Variants in RPRD1A observed in about 807,000 individuals in gnomAD.
RPRD1A encodes regulation of nuclear pre-mRNA domain containing 1A.
A neutral mutation model predicts 37.8 loss-of-function variants in RPRD1A; 9 were observed. That is an observed-to-expected ratio of 0.24 (90% CI 0.14 to 0.42). RPRD1A has a LOEUF of 0.42. Among genes scored for constraint, RPRD1A ranks in the 10% least tolerant of loss-of-function variants. The probability of loss-of-function intolerance (pLI) is 1.00; values close to 1 mark genes in which losing one functional copy is unlikely to be tolerated. For missense variants in RPRD1A, 255 were observed against 371.0 expected (o/e 0.69, Z 2.57); for synonymous variants, 138 against 139.7 (o/e 0.99, Z 0.08).
chr18:35,992,846 C>G lies in RPRD1A; in HGVS notation c.*305G>C, dbSNP rs544273796. The G allele has an allele frequency of 9.3e-6, 2 of 214,104 alleles. No individual in the cohort carries two copies. Among genetic ancestry groups the G allele is most frequent in the East Asian group, 2.3e-4 (2 of 8,828 alleles). 13.3% of individuals were successfully genotyped at this position (214,104 alleles called of 1,614,324 possible). ...ACAATTGAAAATACCTGAAGAAATA[C>G]AAACAAGAGATTTCTCACAAGGCCT... On this transcript the variant is annotated 3_prime_UTR_variant, in exon 7 of 7. Coordinates refer to ENST00000399022, the MANE Select transcript of RPRD1A (RefSeq NM_018170.5).
intron 6 of RPRD1A, among the ~76,000 whole-genome samples, chr18:36,000,503 C>T (rs1262677137): frequency 1.3e-5 from 2 of 152,156 alleles, no homozygotes; most frequent in East Asian, 3.8e-4. Context: ...GATATTTTAT[C>T]AAGTTTTCTG....
chr18:36,008,548 C>G (rs1909910660), intron 6 of RPRD1A, among the ~76,000 whole-genome samples: 2 of 28,432 alleles, frequency 7.0e-5, no homozygotes. Context: ...CGCACTCTAG[C>G]CTGGGCGACA....
chr18:36,007,102 T>C (rs1437760085), intron 6 of RPRD1A, among the ~76,000 whole-genome samples: 1 of 152,238 alleles, frequency 6.6e-6, no homozygotes, highest in Non-Finnish European at 1.5e-5. Context: ...AGGAAACTCT[T>C]AACACTTTCA....
intron 1 of RPRD1A, among the ~76,000 whole-genome samples, chr18:36,053,455 T>C (rs776324813): frequency 8.5e-4 from 129 of 152,194 alleles, no homozygotes; most frequent in Admixed American, 1.7e-3. Context: ...CTGCTTTGCA[T>C]GTTTCTGAGG....
intron 1 of RPRD1A, among the ~76,000 whole-genome samples, chr18:36,048,627 CT>C (rs1244719769): frequency 1.3e-5 from 2 of 148,536 alleles, no homozygotes; most frequent in African/African-American, 5.0e-5. Context: ...ATTTCCTCAA[CT>C]TGATAAAAAG....
chr18:36,027,142 C>G, intron 5 of RPRD1A, 42 bp downstream of exon 5: 1 of 1,612,690 alleles, frequency 6.2e-7, no homozygotes, highest in African/African-American at 1.3e-5. Context: ...TTCTCTCATC[C>G]CAACTCCCAA....
At chr18:36,065,728 A>G (rs62101406) in intron 1 of RPRD1A, among the ~76,000 whole-genome samples, 12,177 of 152,310 alleles carry the variant, frequency 0.08, 601 homozygotes, top group East Asian at 0.13. Flanking sequence ...TCTCTGCAAC[A>G]ATTATCCATA....
chr18:36,008,577 G>GTATATATATA (rs141531156), intron 6 of RPRD1A, among the ~76,000 whole-genome samples: 1 of 47,802 alleles, frequency 2.1e-5, no homozygotes, highest in African/African-American at 6.8e-5. Flanking sequence ...CCTTGTGTGT[G>GTATATATATA]TATATATATA....
At chr18:36,041,939 G>C (rs184311249) in intron 1 of RPRD1A, among the ~76,000 whole-genome samples, 2 of 152,300 alleles carry the variant, frequency 1.3e-5, no homozygotes, top group East Asian at 3.9e-4. Flanking sequence ...TCTCAGATTT[G>C]GCAGCCTATT....
chr18:36,062,035 T>C (rs902058329), intron 1 of RPRD1A, among the ~76,000 whole-genome samples: 36 of 152,286 alleles, frequency 2.4e-4, no homozygotes, highest in South Asian at 8.3e-4. Context: ...TTTAAAAACA[T>C]GGCCGGGCGC....
chr18:36,041,720 T>C (rs1598646083), intron 1 of RPRD1A, among the ~76,000 whole-genome samples: 2 of 152,218 alleles, frequency 1.3e-5, no homozygotes, highest in East Asian at 3.8e-4. Flanking sequence ...CGTGTTCCTA[T>C]GGATGGATAG....
At chr18:36,060,608 A>G (rs1411459466) in intron 1 of RPRD1A, among the ~76,000 whole-genome samples, 4 of 152,198 alleles carry the variant, frequency 2.6e-5, no homozygotes, top group Non-Finnish European at 5.9e-5. Flanking sequence ...CAAACGCAGT[A>G]TGCTGGGGAG....
intron 6 of RPRD1A, among the ~76,000 whole-genome samples, chr18:36,004,026 T>G (rs1029635884): frequency 1.5e-5 from 2 of 131,144 alleles, no homozygotes; most frequent in African/African-American, 6.4e-5. Flanking sequence ...TTTTTTTTTG[T>G]AGAGACTGGG....
chr18:36,003,728 T>C (rs1420899888), intron 6 of RPRD1A, among the ~76,000 whole-genome samples: 1 of 151,836 alleles, frequency 6.6e-6, no homozygotes, highest in Admixed American at 6.6e-5. Flanking sequence ...GGTTCGTATT[T>C]TAGTTAAACT....
intron 6 of RPRD1A, among the ~76,000 whole-genome samples, chr18:36,015,643 A>AATT (rs1910506369): frequency 6.6e-6 from 1 of 152,238 alleles, no homozygotes; most frequent in South Asian, 2.1e-4. Flanking sequence ...CGGCCTTAAA[A>AATT]AGGAAGGAAA....
chr18:36,030,596 C>A (rs1911705919), intron 4 of RPRD1A, among the ~76,000 whole-genome samples: 1 of 152,072 alleles, frequency 6.6e-6, no homozygotes, highest in African/African-American at 2.4e-5. Context: ...TCTTTCTATA[C>A]AAAACATGAT....
chr18:36,040,928 C>A, intron 1 of RPRD1A: 1 of 949,384 alleles, frequency 1.1e-6, no homozygotes, highest in Non-Finnish European at 1.5e-6. Context: ...TAGTTCTTTA[C>A]AGTAATTGTC....
chr18:36,052,812 C>G (rs1209084713), intron 1 of RPRD1A: 1 of 152,092 alleles, frequency 6.6e-6, no homozygotes, highest in Non-Finnish European at 1.5e-5. Flanking sequence ...GTTGGCCAGG[C>G]TGGTCTTGAG....
chr18:36,046,035 T>C (rs1336663899), intron 1 of RPRD1A, among the ~76,000 whole-genome samples: 3 of 152,242 alleles, frequency 2.0e-5, no homozygotes, highest in African/African-American at 7.2e-5. Context: ...CATAGTTAAC[T>C]TTTTTAGGTG....
Sources: gnomAD v4.1 joint callset for allele counts (sites outside exome capture counted in the v4.1 genomes callset) on GRCh38, gnomAD v4.1.1 for gene constraint, MANE v1.5 for transcripts, NCBI Gene and HGNC (gene_info 2026-07-23, HGNC 2026-07-21) for gene names.